CD99: variants seen among roughly 807,000 people sequenced by gnomAD.
CD99 encodes CD99 molecule (Xg blood group).
CD99 carries 19 observed loss-of-function variants against 28.4 expected under a neutral mutation model. The observed-to-expected ratio is 0.67, with a 90% CI of 0.47 to 0.98. The LOEUF (loss-of-function observed/expected upper bound fraction) is 0.98. CD99 is among the 50% of genes least tolerant of loss of function. The probability of loss-of-function intolerance (pLI) is 0.00; values close to 1 mark genes in which losing one functional copy is unlikely to be tolerated. For synonymous variants in CD99, 103 were observed against 92.1 expected (o/e 1.12, Z -0.67); for missense variants, 283 against 248.8 (o/e 1.14, Z -0.92).
rs182874056 is a variant in CD99 at position 2,699,444 on chromosome X, A to T, written c.67+8017A>T. Among the ~76,000 whole-genome samples, 457 of 146,640 alleles carry T rather than the reference A, an allele frequency of 3.1e-3. 3 individuals carry two copies. The highest frequency in any genetic ancestry group is 0.011 in the African/African-American group (445 of 39,444). Reference sequence around the variant, plus strand: ...CGGCTTCCCAAAGTGCTGGGATTACAGGTGTGAGCCACCGCGCCCAGCCTT... The same window carrying T: ...CGGCTTCCCAAAGTGCTGGGATTACTGGTGTGAGCCACCGCGCCCAGCCTT... On this transcript the variant is annotated intron_variant, in intron 1 of 9. Transcript: ENST00000381192.
At chrX:2,728,732 A>G (rs906485529) in intron 8 of CD99, among the ~76,000 whole-genome samples, 2 of 151,928 alleles carry the variant, frequency 1.3e-5, no homozygotes, top group Non-Finnish European at 2.9e-5. Context: ...CTTTTCTGAA[A>G]CTGTTCAACT....
intron 5 of CD99, among the ~76,000 whole-genome samples, chrX:2,722,366 GC>G (rs2049034276): frequency 6.6e-6 from 1 of 152,060 alleles, no homozygotes; most frequent in Non-Finnish European, 1.5e-5. Context: ...TCTTGCCCAG[GC>G]TGGAGTGCAG....
chrX:2,717,862 C>G (rs1326370457), intron 3 of CD99: 6 of 567,460 alleles, frequency 1.1e-5, no homozygotes, highest in Non-Finnish European at 1.9e-5. Context: ...TGAAATGTTT[C>G]GGGGCCATTT....
intron 7 of CD99, among the ~76,000 whole-genome samples, chrX:2,724,614 C>G (rs778428067): frequency 3.9e-5 from 6 of 151,944 alleles, no homozygotes; most frequent in Non-Finnish European, 5.9e-5. Context: ...ACAAAAAATA[C>G]AAAAATTAGG....
chrX:2,714,369 A>C (rs2048583863), intron 1 of CD99, 53 bp from the exon 2 acceptor site: 2 of 1,413,008 alleles, frequency 1.4e-6, no homozygotes, highest in Admixed American at 1.9e-5. Context: ...TATAATATTC[A>C]AATTTATTTT....
At chrX:2,730,803 C>T (rs2049558925) in intron 8 of CD99, among the ~76,000 whole-genome samples, 2 of 151,890 alleles carry the variant, frequency 1.3e-5, no homozygotes, top group Non-Finnish European at 2.9e-5. Flanking sequence ...ATGGTGGGCA[C>T]CTGTAATATC....
At chrX:2,709,163 A>G (rs2048259580) in intron 1 of CD99, among the ~76,000 whole-genome samples, 1 of 100,646 alleles carries the variant, frequency 9.9e-6, no homozygotes, top group Non-Finnish European at 2.8e-5. Context: ...GACACACACC[A>G]GACAGACACA....
At chrX:2,726,056 G>A (rs2049264968) in intron 7 of CD99, among the ~76,000 whole-genome samples, 3 of 152,130 alleles carry the variant, frequency 2.0e-5, no homozygotes, top group Non-Finnish European at 2.9e-5. Context: ...TGCCCAGCAC[G>A]TGCGATGGGA....
intron 8 of CD99, among the ~76,000 whole-genome samples, chrX:2,729,275 C>T (rs1484351458): frequency 6.6e-6 from 1 of 152,144 alleles, no homozygotes; most frequent in Non-Finnish European, 1.5e-5. Context: ...CTTGTGCGTG[C>T]AGACGTAGGA....
chrX:2,726,186 C>A, intron 7 of CD99, 74 bp from the exon 8 acceptor site: 2 of 867,974 alleles, frequency 2.3e-6, no homozygotes, highest in Non-Finnish European at 3.8e-6. Context: ...ACTGTCTCTG[C>A]CAGCCACTGC....
rs1218221777 is a variant in CD99, at chrX:2,696,400, T to C, written c.67+4973T>C. On this transcript the variant is annotated intron_variant, in intron 1 of 9. Transcript: ENST00000381192. ...TGAGGATTTGCTGATATTCTTTCTT[T>C]TCTTTTCTTTTTATTTTGAGATGAA... 2.0e-5 allele frequency among the ~76,000 whole-genome samples: 3 copies of C among 152,170 alleles called. No homozygotes were observed. The East Asian group carries it at 5.8e-4, about 29-fold the overall frequency.
intron 8 of CD99, among the ~76,000 whole-genome samples, chrX:2,736,403 A>G (rs1411888633): frequency 6.6e-6 from 1 of 152,062 alleles, no homozygotes; most frequent in Non-Finnish European, 1.5e-5. Flanking sequence ...CCTTCACACC[A>G]ACACTGGAAA....
intron 3 of CD99, 167 bp downstream of exon 3, chrX:2,717,819 G>T: frequency 1.6e-6 from 1 of 632,820 alleles, no homozygotes; most frequent in Non-Finnish European, 2.9e-6. Flanking sequence ...TACATTTCAT[G>T]TAGTGATTCC....
At chrX:2,711,944 A>G (rs1382966131) in intron 1 of CD99, among the ~76,000 whole-genome samples, 6 of 152,128 alleles carry the variant, frequency 3.9e-5, no homozygotes, top group Admixed American at 3.9e-4. Flanking sequence ...CAGGAGGCTG[A>G]GGCAGGAGAA....
intron 2 of CD99, chrX:2,714,804 GTATTTGCAA>G: frequency 4.4e-6 from 1 of 226,248 alleles, no homozygotes. Context: ...AAAACACACA[GTATTTGCAA>G]AGCACCTTAA....
chrX:2,728,106 T>G (rs923025474), intron 8 of CD99, among the ~76,000 whole-genome samples: 8 of 152,060 alleles, frequency 5.3e-5, no homozygotes, highest in Non-Finnish European at 1.0e-4. Flanking sequence ...CGTGTTTATT[T>G]CCCCGTTCTT....
intron 2 of CD99, among the ~76,000 whole-genome samples, chrX:2,716,676 T>C (rs2048737106): frequency 6.6e-6 from 1 of 152,162 alleles, no homozygotes; most frequent in African/African-American, 2.4e-5. Context: ...CAGCTTTTAA[T>C]TTTATGTCCT....
intron 1 of CD99, among the ~76,000 whole-genome samples, chrX:2,707,996 G>A (rs1282699310): frequency 1.3e-5 from 2 of 152,158 alleles, no homozygotes; most frequent in Non-Finnish European, 2.9e-5. Context: ...GTTAGGAGAC[G>A]ATAGCTTCAT....
intron 1 of CD99, among the ~76,000 whole-genome samples, chrX:2,692,699 C>T (rs1229392683): frequency 6.6e-6 from 1 of 152,180 alleles, no homozygotes; most frequent in African/African-American, 2.4e-5. Flanking sequence ...TCACCACGGA[C>T]GGGATGGCTC....
Sources: gnomAD v4.1 joint callset for allele counts (sites outside exome capture counted in the v4.1 genomes callset) on GRCh38, gnomAD v4.1.1 for gene constraint, MANE v1.5 for transcripts, NCBI Gene and HGNC (gene_info 2026-07-23, HGNC 2026-07-21) for gene names.